Variants in KATNAL1 observed in about 807,000 individuals in gnomAD.
The protein encoded by KATNAL1 is katanin p60 ATPase-containing subunit A-like 1.
Under a neutral mutation model 55.2 loss-of-function variants are expected in KATNAL1, and 32 were observed. The observed-to-expected ratio is 0.58, with a 90% CI of 0.44 to 0.78. The LOEUF is 0.78. Among genes scored for constraint, KATNAL1 ranks in the 30% least tolerant of loss-of-function variants. The probability of loss-of-function intolerance (pLI) is 0.00; values close to 1 mark genes in which losing one functional copy is unlikely to be tolerated. For synonymous variants in KATNAL1, 193 were observed against 193.6 expected (o/e 1.00, Z 0.02); for missense variants, 466 against 600.9 (o/e 0.78, Z 2.35).
intron 6 of KATNAL1, among the ~76,000 whole-genome samples, chr13:30,237,801 T>C (rs2137415200): frequency 6.6e-6 from 1 of 152,314 alleles, no homozygotes; most frequent in South Asian, 2.1e-4. Context: ...TCAAGAACAA[T>C]AAACCAGTGT....
intron 5 of KATNAL1, 71 bp downstream of exon 5, chr13:30,240,888 A>T (rs1466553926): frequency 7.2e-6 from 10 of 1,381,850 alleles, no homozygotes; most frequent in Middle Eastern, 3.6e-4. Context: ...ACAAGAGAAA[A>T]CTCACACACC....
At position 30,259,843 on chromosome 13, in the gene KATNAL1, G is replaced by A. The variant is rs1281740177; in HGVS notation, c.324-4228C>T. ...GCTTGCTTAGGTAAACAAAGCAGCC[G>A]GGAAGCTCGAACTGGGTGGAGCCCA... On this transcript the variant is annotated intron_variant, in intron 3 of 10. Coordinates refer to ENST00000380615, the MANE Select transcript of KATNAL1 (RefSeq NM_032116.5). 1.1e-4 allele frequency among the ~76,000 whole-genome samples: 16 copies of A among 152,196 alleles called. No homozygotes were observed. In the South Asian group the frequency reaches 1.2e-3, roughly 12 times the overall value.
intron 3 of KATNAL1, among the ~76,000 whole-genome samples, chr13:30,269,960 G>A (rs1303615845): frequency 2.7e-4 from 40 of 148,232 alleles, no homozygotes; most frequent in African/African-American, 9.8e-4. Flanking sequence ...CCTCTGCCCG[G>A]CCACCCCTAC....
chr13:30,262,790 A>G (rs1187581788), intron 3 of KATNAL1, among the ~76,000 whole-genome samples: 8 of 151,934 alleles, frequency 5.3e-5, no homozygotes, highest in Admixed American at 5.2e-4. Context: ...TACCAGAGGT[A>G]CAAGGAGGAA....
At chr13:30,306,352 G>A (rs1338138789) in intron 1 of KATNAL1, among the ~76,000 whole-genome samples, 9 of 151,784 alleles carry the variant, frequency 5.9e-5, no homozygotes, top group African/African-American at 2.2e-4. Context: ...AATAATCAAA[G>A]AATTATTGCT....
intron 6 of KATNAL1, among the ~76,000 whole-genome samples, chr13:30,234,055 A>G (rs1361595583): frequency 6.6e-6 from 1 of 152,208 alleles, no homozygotes; most frequent in Non-Finnish European, 1.5e-5. Flanking sequence ...CTAGAAGAGA[A>G]TAATTTGAAT....
At chr13:30,261,500 C>A (rs559503331) in intron 3 of KATNAL1, among the ~76,000 whole-genome samples, 1 of 151,986 alleles carries the variant, frequency 6.6e-6, no homozygotes, top group East Asian at 1.9e-4. Context: ...CACATAGGCT[C>A]AAAATAAAAG....
chr13:30,226,347 A>G (rs1875468906), intron 9 of KATNAL1, among the ~76,000 whole-genome samples: 1 of 152,226 alleles, frequency 6.6e-6, no homozygotes, highest in African/African-American at 2.4e-5. Flanking sequence ...TTTATTCATA[A>G]TAGCCAAAAA....
At chr13:30,220,386 G>A (rs761091231) in intron 9 of KATNAL1, among the ~76,000 whole-genome samples, 15 of 152,070 alleles carry the variant, frequency 9.9e-5, no homozygotes, top group Middle Eastern at 3.4e-3. Flanking sequence ...GCTTGAATGC[G>A]GGAGGTGGAG....
chr13:30,235,048 T>C (rs1876516384), intron 6 of KATNAL1, among the ~76,000 whole-genome samples: 1 of 152,164 alleles, frequency 6.6e-6, no homozygotes, highest in Non-Finnish European at 1.5e-5. Flanking sequence ...CAACTCAACC[T>C]CTGGGAAGAG....
chr13:30,221,295 A>G (rs1415786353), intron 9 of KATNAL1, among the ~76,000 whole-genome samples: 1 of 152,258 alleles, frequency 6.6e-6, no homozygotes, highest in Non-Finnish European at 1.5e-5. Context: ...AATGAGACAG[A>G]ATATAAAGAA....
chr13:30,281,725 T>G (rs1881353354), intron 2 of KATNAL1: 1 of 152,236 alleles, frequency 6.6e-6, no homozygotes, highest in Non-Finnish European at 1.5e-5. Flanking sequence ...TTTGTACTTT[T>G]AATTTTTAGA....
chr13:30,234,866 C>T (rs545292791), intron 6 of KATNAL1, among the ~76,000 whole-genome samples: 6 of 152,264 alleles, frequency 3.9e-5, no homozygotes, highest in Non-Finnish European at 7.3e-5. Context: ...ATTACCCTAG[C>T]GACAGGATTA....
In KATNAL1 at chr13:30,216,668, C is replaced by G. The variant is rs1366153934; in HGVS notation, c.1148-6226G>C. ...TTTAGAGCCAAAGAAGTCCTCCAGT[C>G]AGGCTGGTGGCAGGAGGGGTAGGGA... On this transcript the variant is annotated intron_variant, in intron 9 of 10. Transcript: ENST00000380615. Among the ~76,000 whole-genome samples, 3 of 152,200 alleles carry G rather than the reference C, an allele frequency of 2.0e-5. No homozygotes were observed. The South Asian group carries it at 6.2e-4, about 31-fold the overall frequency.
intron 6 of KATNAL1, among the ~76,000 whole-genome samples, chr13:30,235,949 T>C (rs554336558): frequency 5.9e-5 from 9 of 152,276 alleles, no homozygotes; most frequent in Non-Finnish European, 1.2e-4. Flanking sequence ...TATGGTATTC[T>C]TACAATAAAG....
At chr13:30,266,433 A>G (rs2137492615) in intron 3 of KATNAL1, among the ~76,000 whole-genome samples, 1 of 152,344 alleles carries the variant, frequency 6.6e-6, no homozygotes, top group South Asian at 2.1e-4. Context: ...TACTTAGTAA[A>G]GCATAATTTA....
At chr13:30,278,293 A>G (rs1281969599) in intron 3 of KATNAL1, among the ~76,000 whole-genome samples, 1 of 152,092 alleles carries the variant, frequency 6.6e-6, no homozygotes, top group Non-Finnish European at 1.5e-5. Flanking sequence ...AAAAACACAC[A>G]TACAATGGCT....
At chr13:30,293,181 T>C (rs1045888488) in intron 1 of KATNAL1, among the ~76,000 whole-genome samples, 1 of 152,216 alleles carries the variant, frequency 6.6e-6, no homozygotes, top group African/African-American at 2.4e-5. Flanking sequence ...GAATTAGACT[T>C]CCTCAGCTGG....
At chr13:30,282,474 C>T (rs59290772) in intron 2 of KATNAL1, among the ~76,000 whole-genome samples, 2,468 of 151,946 alleles carry the variant, frequency 0.016, 73 homozygotes, top group African/African-American at 0.055. Context: ...TCAGTCCTTA[C>T]AAAAAATTTA....
Sources: gnomAD v4.1 joint callset for allele counts (sites outside exome capture counted in the v4.1 genomes callset) on GRCh38, gnomAD v4.1.1 for gene constraint, MANE v1.5 for transcripts, NCBI Gene and HGNC (gene_info 2026-07-23, HGNC 2026-07-21) for gene names.